The following MAGI2 variants were observed in gnomAD, a reference collection of about 807,000 sequenced individuals.
MAGI2 encodes membrane-associated guanylate kinase, WW and PDZ domain-containing protein 2.
A neutral mutation model predicts 133.3 loss-of-function variants in MAGI2; 35 were observed. The ratio of observed to expected loss-of-function variants is 0.26; its 90% CI spans 0.20 to 0.35. The LOEUF (loss-of-function observed/expected upper bound fraction) is 0.35. Ranked by LOEUF, MAGI2 falls within the 10% of genes least tolerant of loss-of-function variation. The pLI is 1.00. For missense variants in MAGI2, 1,636 were observed against 1,863.4 expected (o/e 0.88, Z 2.25); for synonymous variants, 729 against 710.6 (o/e 1.03, Z -0.41).
At chr7:78,940,795 G>A (rs528346672) in intron 2 of MAGI2, 3 of 152,136 alleles carry the variant, frequency 2.0e-5, no homozygotes, top group East Asian at 1.9e-4. Context: ...AGGTCAGAAG[G>A]TCCCCAGAAA....
chr7:78,568,479 T>C (rs1410011179), intron 3 of MAGI2: 1 of 152,254 alleles, frequency 6.6e-6, no homozygotes, highest in African/African-American at 2.4e-5. Flanking sequence ...AGTAACTTTA[T>C]TCCATGAGTT....
chr7:78,286,647 G>A (rs1033598002), intron 9 of MAGI2, among the ~76,000 whole-genome samples: 12 of 152,162 alleles, frequency 7.9e-5, no homozygotes, highest in Non-Finnish European at 1.5e-4. Flanking sequence ...GAGGTGAAGG[G>A]CTGTGGGGGC....
chr7:78,292,350 A>G (rs1363357267), intron 9 of MAGI2, among the ~76,000 whole-genome samples: 1 of 152,210 alleles, frequency 6.6e-6, no homozygotes, highest in Non-Finnish European at 1.5e-5. Context: ...CAAAGAGAAT[A>G]AAATACCTAG....
At chr7:78,449,734 G>A (rs1788523664) in intron 6 of MAGI2, among the ~76,000 whole-genome samples, 1 of 152,008 alleles carries the variant, frequency 6.6e-6, no homozygotes, top group East Asian at 1.9e-4. Context: ...ATTACAATGA[G>A]GGGGCTCATT....
intron 1 of MAGI2, among the ~76,000 whole-genome samples, chr7:79,163,005 G>T (rs894996218): frequency 5.9e-5 from 9 of 151,854 alleles, no homozygotes; most frequent in African/African-American, 2.2e-4. Context: ...AGGGAGTCCT[G>T]CCAAGGGACA....
intron 9 of MAGI2, among the ~76,000 whole-genome samples, chr7:78,265,602 T>C (rs776251793): frequency 5.3e-5 from 8 of 152,172 alleles, no homozygotes; most frequent in Non-Finnish European, 1.2e-4. Context: ...AAGATAAAAA[T>C]GTAGCATTCC....
chr7:78,469,527 T>G (rs1790974534), intron 6 of MAGI2, among the ~76,000 whole-genome samples: 1 of 152,164 alleles, frequency 6.6e-6, no homozygotes, highest in Non-Finnish European at 1.5e-5. Context: ...GAGACAGTAT[T>G]GCTTTTCTCT....
At chr7:79,444,561 C>T (rs562456155) in intron 1 of MAGI2, among the ~76,000 whole-genome samples, 1 of 152,146 alleles carries the variant, frequency 6.6e-6, no homozygotes, top group African/African-American at 2.4e-5. Flanking sequence ...CTCCCATTCA[C>T]AATTGCTTCA....
At chr7:79,255,829 A>C (rs1173911747) in intron 1 of MAGI2, among the ~76,000 whole-genome samples, 1 of 152,214 alleles carries the variant, frequency 6.6e-6, no homozygotes, top group Non-Finnish European at 1.5e-5. Context: ...TCTAACTGAA[A>C]AAAAAATACT....
At chr7:78,455,389 G>A (rs1214366269) in intron 6 of MAGI2, among the ~76,000 whole-genome samples, 1 of 151,872 alleles carries the variant, frequency 6.6e-6, no homozygotes, top group Admixed American at 6.6e-5. Flanking sequence ...GTTATTTCTA[G>A]CTCTGAGTCA....
chr7:78,166,331 T>C (rs1213978201), intron 15 of MAGI2, among the ~76,000 whole-genome samples: 5 of 152,246 alleles, frequency 3.3e-5, no homozygotes, highest in African/African-American at 9.6e-5. Flanking sequence ...CTTTAGGTTA[T>C]AGAACATACA....
intron 2 of MAGI2, among the ~76,000 whole-genome samples, chr7:78,736,243 G>C (rs1483576132): frequency 1.3e-5 from 2 of 152,130 alleles, no homozygotes; most frequent in Non-Finnish European, 2.9e-5. Flanking sequence ...TAGTTTTCCA[G>C]AGAGTATCTA....
intron 6 of MAGI2, among the ~76,000 whole-genome samples, chr7:78,467,466 T>A (rs564305848): frequency 2.0e-5 from 3 of 152,158 alleles, no homozygotes; most frequent in African/African-American, 7.2e-5. Context: ...TCAGTAGTAC[T>A]GGGAGTTAAA....
At chr7:78,746,240 C>A (rs1438286602) in intron 2 of MAGI2, among the ~76,000 whole-genome samples, 2 of 152,118 alleles carry the variant, frequency 1.3e-5, no homozygotes, top group African/African-American at 4.8e-5. Flanking sequence ...TTTGAAGAGC[C>A]AGCTCTCAGG....
rs1049015933 is a variant in MAGI2 at position 78,810,570 on chromosome 7, G to C, written c.419-183331C>G. Among the ~76,000 whole-genome samples, 28 of 151,992 alleles carry C rather than the reference G, an allele frequency of 1.8e-4. No individual in the cohort carries two copies. In the East Asian group the frequency reaches 3.3e-3, roughly 18 times the overall value. On this transcript the variant is annotated intron_variant, in intron 2 of 21. Coordinates refer to ENST00000354212, the MANE Select transcript of MAGI2 (RefSeq NM_012301.4). Reference sequence around the variant, plus strand: ...AACAGTGATAGCTGAACTCTTTTTTGTTTTCCCAAGAAATATTTAACTCTG... The same window carrying C: ...AACAGTGATAGCTGAACTCTTTTTTCTTTTCCCAAGAAATATTTAACTCTG...
chr7:79,334,521 G>C (rs958636493), intron 1 of MAGI2, among the ~76,000 whole-genome samples: 2 of 152,196 alleles, frequency 1.3e-5, no homozygotes, highest in East Asian at 3.9e-4. Context: ...GGCCTTGGCT[G>C]TTAAACAATT....
intron 2 of MAGI2, among the ~76,000 whole-genome samples, chr7:78,716,803 G>T (rs1297374789): frequency 6.6e-6 from 1 of 152,164 alleles, no homozygotes; most frequent in Non-Finnish European, 1.5e-5. Context: ...AGACCCACTG[G>T]AAGTTCAGAG....
chr7:78,373,631 G>C (rs1389332099), intron 6 of MAGI2, among the ~76,000 whole-genome samples: 1 of 152,116 alleles, frequency 6.6e-6, no homozygotes, highest in Non-Finnish European at 1.5e-5. Flanking sequence ...TGGGGTGCAT[G>C]TGCAGGTGTC....
chr7:79,327,998 A>G (rs1363901724), intron 1 of MAGI2, among the ~76,000 whole-genome samples: 1 of 152,148 alleles, frequency 6.6e-6, no homozygotes, highest in Non-Finnish European at 1.5e-5. Flanking sequence ...AATATATATC[A>G]TAACTTATTT....
Sources: allele counts gnomAD v4.1 joint callset (sites outside exome capture counted in the v4.1 genomes callset), GRCh38; gene constraint gnomAD v4.1.1; transcripts MANE v1.5; gene names NCBI Gene and HGNC (gene_info 2026-07-23, HGNC 2026-07-21).